The following PIK3C2G variants were observed in gnomAD, a reference collection of about 807,000 sequenced individuals.
PIK3C2G encodes phosphatidylinositol 3-kinase C2 domain-containing subunit gamma.
In PIK3C2G, 168 loss-of-function variants were observed where a neutral mutation model predicts 181.1. The observed-to-expected ratio is 0.93, with a 90% CI of 0.82 to 1.05. The LOEUF (loss-of-function observed/expected upper bound fraction) is 1.05, where lower values mean the gene tolerates loss of function less well. PIK3C2G is among the 50% of genes least tolerant of loss of function. The pLI, the probability that PIK3C2G is intolerant of heterozygous loss-of-function variation, is 0.00. For missense variants in PIK3C2G, 1,869 were observed against 1,732.8 expected, an observed-to-expected ratio of 1.08 and a Z score of -1.40; for synonymous variants, 573 against 592.2, an observed-to-expected ratio of 0.97 and a Z score of 0.47.
intron 2 of PIK3C2G, among the ~76,000 whole-genome samples, chr12:18,283,957 G>T (rs987632262): frequency 5.9e-5 from 9 of 152,068 alleles, no homozygotes; most frequent in Admixed American, 1.3e-4. Flanking sequence ...CAGGCTGCTG[G>T]AGCCCAATTT....
chr12:18,467,399 C>T (rs1267695404), intron 18 of PIK3C2G, among the ~76,000 whole-genome samples: 3 of 151,852 alleles, frequency 2.0e-5, no homozygotes, highest in Non-Finnish European at 2.9e-5. Context: ...AAATTTTTAT[C>T]TACAATTGGT....
downstream of PIK3C2G, among the ~76,000 whole-genome samples, chr12:18,648,879 A>T (rs941664998): frequency 6.6e-6 from 1 of 152,120 alleles, no homozygotes; most frequent in Non-Finnish European, 1.5e-5. Context: ...AAATTTTTTA[A>T]TCTTGCCATT....
intron 30 of PIK3C2G, among the ~76,000 whole-genome samples, chr12:18,598,934 A>G (rs879726324): frequency 0.028 from 4,238 of 151,632 alleles, 65 homozygotes; most frequent in Middle Eastern, 0.062. Flanking sequence ...AATGCAAATC[A>G]AAACCACAAT....
chr12:18,464,016 G>A (rs967905249), intron 18 of PIK3C2G, among the ~76,000 whole-genome samples: 5 of 152,014 alleles, frequency 3.3e-5, no homozygotes, highest in Non-Finnish European at 5.9e-5. Flanking sequence ...ACTTCGCTGT[G>A]TACTGAATTC....
intron 24 of PIK3C2G, among the ~76,000 whole-genome samples, chr12:18,519,418 A>G (rs1199905542): frequency 6.6e-6 from 1 of 152,202 alleles, no homozygotes; most frequent in Non-Finnish European, 1.5e-5. Flanking sequence ...CTGGGTGCAT[A>G]TATAAGAATA....
intron 24 of PIK3C2G, among the ~76,000 whole-genome samples, chr12:18,519,172 T>C (rs183009215): frequency 1.3e-5 from 2 of 152,338 alleles, no homozygotes; most frequent in Non-Finnish European, 2.9e-5. Context: ...ATTTTATAAG[T>C]AAGTGCCATG....
chr12:18,652,922 T>A (rs1950580022), downstream of PIK3C2G, among the ~76,000 whole-genome samples: 1 of 151,780 alleles, frequency 6.6e-6, no homozygotes, highest in African/African-American at 2.4e-5. Context: ...ATATACATAT[T>A]CTGTCTCACA....
At chr12:18,298,947 G>A (rs1037281108) in intron 5 of PIK3C2G, among the ~76,000 whole-genome samples, 13 of 151,626 alleles carry the variant, frequency 8.6e-5, no homozygotes, top group Admixed American at 4.6e-4. Flanking sequence ...CTTTGGTTAC[G>A]ATAACTTTGT....
At chr12:18,502,434 C>T (rs1254293328) in intron 22 of PIK3C2G, among the ~76,000 whole-genome samples, 3 of 152,118 alleles carry the variant, frequency 2.0e-5, no homozygotes, top group South Asian at 2.1e-4. Flanking sequence ...CTGCAATTGT[C>T]GAGACTATGG....
intron 19 of PIK3C2G, among the ~76,000 whole-genome samples, chr12:18,490,060 T>C (rs1940411819): frequency 6.6e-6 from 1 of 152,148 alleles, no homozygotes; most frequent in Non-Finnish European, 1.5e-5. Context: ...AAAATTTAAG[T>C]TCCTAATGGC....
intron 18 of PIK3C2G, among the ~76,000 whole-genome samples, chr12:18,434,625 A>G (rs1946348896): frequency 6.6e-6 from 1 of 152,158 alleles, no homozygotes; most frequent in Non-Finnish European, 1.5e-5. Context: ...ACCTAACTGC[A>G]AGGTGGCAAA....
intron 14 of PIK3C2G, among the ~76,000 whole-genome samples, chr12:18,386,622 T>G (rs1404383827): frequency 6.6e-6 from 1 of 152,190 alleles, no homozygotes; most frequent in African/African-American, 2.4e-5. Flanking sequence ...TGGGATTCAT[T>G]CCTTTTTCTA....
intron 18 of PIK3C2G, among the ~76,000 whole-genome samples, chr12:18,477,389 C>T (rs1031368967): frequency 1.3e-5 from 2 of 152,044 alleles, no homozygotes; most frequent in Non-Finnish European, 2.9e-5. Flanking sequence ...GCATTTGAAA[C>T]GAACTGATAG....
At chr12:18,700,551 A>G in the PIK3C2G span, among the ~76,000 whole-genome samples, 1 of 141,080 alleles carries the variant, frequency 7.1e-6, no homozygotes, top group South Asian at 2.3e-4. Flanking sequence ...TGCTCTGCCA[A>G]GAGATAGGCA....
chr12:18,281,663 C>T (rs986120784), intron 1 of PIK3C2G, among the ~76,000 whole-genome samples: 1 of 151,910 alleles, frequency 6.6e-6, no homozygotes, highest in Non-Finnish European at 1.5e-5. Flanking sequence ...TTTAGCATGC[C>T]AACATGCTTA....
chr12:18,664,506 A>T, the PIK3C2G span, among the ~76,000 whole-genome samples: 2 of 152,196 alleles, frequency 1.3e-5, no homozygotes, highest in Non-Finnish European at 2.9e-5. Flanking sequence ...GCTAAGTGAA[A>T]TAAGAAAAAT....
chr12:18,501,130 C>G (rs1227603058), intron 22 of PIK3C2G, among the ~76,000 whole-genome samples: 2 of 152,236 alleles, frequency 1.3e-5, no homozygotes, highest in African/African-American at 4.8e-5. Flanking sequence ...AGGTCCGCGG[C>G]TTCATTCTTG....
rs1484281776 is a variant in PIK3C2G, at chr12:18,329,011, A to G, written c.1272+3913A>G. On this transcript the variant is annotated intron_variant, in intron 8 of 32. Coordinates refer to ENST00000538779, the MANE Select transcript of PIK3C2G (RefSeq NM_001288772.2). Reference sequence around the variant, plus strand: ...CAATAATTATTTATTATTATACAGCACAGGAAAATGAAGCACAACTGCAGA... The same window carrying G: ...CAATAATTATTTATTATTATACAGCGCAGGAAAATGAAGCACAACTGCAGA... Among the ~76,000 whole-genome samples, 4 of 151,990 alleles carry G rather than the reference A, an allele frequency of 2.6e-5. No individual in the cohort carries two copies. The East Asian group carries it at 5.8e-4, about 22-fold the overall frequency.
Position 18,505,552 on chromosome 12 carries a change from G to C in PIK3C2G, c.3323+91G>C, listed in dbSNP as rs1212346615. ...TGCATAGAAACCCTGCTGATGACTTGCTCCCATCTCTCAAATCCCCCCAGG... is the reference window on the plus strand; with the variant it reads ...TGCATAGAAACCCTGCTGATGACTTCCTCCCATCTCTCAAATCCCCCCAGG... On this transcript the variant is annotated intron_variant, in intron 24 of 32. Coordinates refer to ENST00000538779, the MANE Select transcript of PIK3C2G (RefSeq NM_001288772.2). The C allele has an allele frequency of 4.9e-6, 4 of 818,340 alleles. No homozygotes were observed. In the East Asian group the frequency reaches 1.2e-4, roughly 25 times the overall value. The allele number at this position is 818,340 out of a possible 1,614,324, so 50.7% of individuals were successfully genotyped here. A position where few individuals can be genotyped will look rare whatever the true frequency, so the allele number is the denominator to read the frequency against.
Sources: gnomAD v4.1 joint callset for allele counts (sites outside exome capture counted in the v4.1 genomes callset) on GRCh38, gnomAD v4.1.1 for gene constraint, MANE v1.5 for transcripts, NCBI Gene and HGNC (gene_info 2026-07-23, HGNC 2026-07-21) for gene names.